Variants in TBL1X observed in about 807,000 individuals in gnomAD.
The protein encoded by TBL1X is transducin beta like 1 X-linked, also known as F-box-like/WD repeat-containing protein TBL1X.
TBL1X carries 10 observed loss-of-function variants against 50.7 expected under a neutral mutation model. The ratio of observed to expected loss-of-function variants is 0.20; its 90% CI spans 0.12 to 0.33. The LOEUF (loss-of-function observed/expected upper bound fraction) is 0.33, where lower values mean the gene tolerates loss of function less well. Among genes scored for constraint, TBL1X ranks in the 10% least tolerant of loss-of-function variants. TBL1X has a pLI of 1.00. For missense variants in TBL1X, 340 were observed against 504.4 expected, an observed-to-expected ratio of 0.67 and a Z score of 3.12; for synonymous variants, 190 against 214.7, an observed-to-expected ratio of 0.88 and a Z score of 1.01.
intron 2 of TBL1X, among the ~76,000 whole-genome samples, chrX:9,623,649 T>C (rs897242901): frequency 8.9e-6 from 1 of 111,893 alleles, no homozygotes; most frequent in Admixed American, 9.4e-5. Context: ...ATTGCACCAC[T>C]GCACTCCAGC....
intron 3 of TBL1X, among the ~76,000 whole-genome samples, chrX:9,647,995 T>C (rs1265871077): frequency 3.6e-5 from 4 of 111,581 alleles, no homozygotes; most frequent in African/African-American, 1.3e-4. Flanking sequence ...CCCCTTTACA[T>C]AGGGGCTATT....
chrX:9,707,762 T>A (rs1251175268), intron 13 of TBL1X, among the ~76,000 whole-genome samples: 4 of 111,782 alleles, frequency 3.6e-5, no homozygotes, highest in African/African-American at 1.3e-4. Context: ...GTGTGCACAC[T>A]CACAACCCTC....
intron 2 of TBL1X, among the ~76,000 whole-genome samples, chrX:9,556,509 G>T (rs1284187185): frequency 9.3e-6 from 1 of 107,988 alleles, no homozygotes; most frequent in Non-Finnish European, 1.9e-5. Flanking sequence ...AAAAAAAAAA[G>T]CCAGGCATGG....
chrX:9,507,849 T>A (rs754564915), intron 2 of TBL1X, among the ~76,000 whole-genome samples: 1 of 112,266 alleles, frequency 8.9e-6, no homozygotes, highest in South Asian at 3.7e-4. Flanking sequence ...GGAAAGGATC[T>A]CCTTATTCAG....
chrX:9,647,445 A>G (rs1025868693), intron 3 of TBL1X, among the ~76,000 whole-genome samples: 1 of 111,607 alleles, frequency 9.0e-6, no homozygotes, highest in African/African-American at 3.3e-5. Context: ...CCTCAAATCA[A>G]CCTAATTGAA....
At chrX:9,566,075 A>G (rs767772163) in intron 2 of TBL1X, among the ~76,000 whole-genome samples, 1 of 112,501 alleles carries the variant, frequency 8.9e-6, no homozygotes, top group South Asian at 3.7e-4. Context: ...AGTATAGGAT[A>G]TACTATCTGT....
chrX:9,636,372 A>G (rs756404856), intron 2 of TBL1X: 4 of 111,276 alleles, frequency 3.6e-5, no homozygotes, highest in Admixed American at 9.6e-5. Flanking sequence ...AGCCTGGGCA[A>G]CATATCAAGA....
At chrX:9,624,875 C>T (rs2082684610) in intron 2 of TBL1X, among the ~76,000 whole-genome samples, 1 of 112,456 alleles carries the variant, frequency 8.9e-6, no homozygotes, top group Non-Finnish European at 1.9e-5. Context: ...AGAATTTTAA[C>T]ATCTGCTAGA....
chrX:9,582,730 T>G (rs1266548251), intron 2 of TBL1X, among the ~76,000 whole-genome samples: 1 of 112,518 alleles, frequency 8.9e-6, no homozygotes, highest in East Asian at 2.8e-4. Flanking sequence ...GTGTGAAGAT[T>G]GGGACAGATG....
At chrX:9,682,676 T>C (rs2083032495) in intron 5 of TBL1X, among the ~76,000 whole-genome samples, 1 of 111,737 alleles carries the variant, frequency 8.9e-6, no homozygotes, top group African/African-American at 3.3e-5. Context: ...AGGGCACTGA[T>C]ACGGAAGCAG....
At chrX:9,580,462 C>T (rs1325113327) in intron 2 of TBL1X, among the ~76,000 whole-genome samples, 3 of 111,832 alleles carry the variant, frequency 2.7e-5, no homozygotes, top group African/African-American at 9.8e-5. Context: ...ATTAGCGTCT[C>T]CAAAGGAGGC....
intron 12 of TBL1X, among the ~76,000 whole-genome samples, chrX:9,700,263 A>T (rs2083161368): frequency 8.9e-6 from 1 of 112,537 alleles, no homozygotes; most frequent in African/African-American, 3.2e-5. Context: ...TGAGGCAGGG[A>T]TGTCTAATGC....
intron 3 of TBL1X, among the ~76,000 whole-genome samples, chrX:9,647,586 T>G (rs2082811750): frequency 8.9e-6 from 1 of 112,053 alleles, no homozygotes; most frequent in Admixed American, 9.4e-5. Context: ...TCCTTTATTT[T>G]AGAACTGGAG....
intron 2 of TBL1X, among the ~76,000 whole-genome samples, chrX:9,519,533 T>A (rs2146964901): frequency 8.9e-6 from 1 of 112,537 alleles, no homozygotes; most frequent in Admixed American, 9.4e-5. Flanking sequence ...AGAAAAACAT[T>A]TCTGAGGAAG....
At chrX:9,608,295 C>T (rs1395387219) in intron 2 of TBL1X, among the ~76,000 whole-genome samples, 1 of 111,767 alleles carries the variant, frequency 8.9e-6, no homozygotes, top group Non-Finnish European at 1.9e-5. Flanking sequence ...TGTTGGGTTG[C>T]GATTAATGTT....
In TBL1X at chrX:9,653,643, G is replaced by C; in HGVS notation, c.57G>C (p.Gly19=). The stretch of plus-strand genomic sequence containing the variant: ...GCTGCCACCGCCCTGCAGGAAGAGG[G>C]GCCATGCAGTCAGTCTTGCACCACT... ...SSCCHRPAGR[G]AMQSVLHHFQ... The change falls in exon 4 of 18, where the codon GGG becomes GGC. Residue 19 remains glycine (G), a synonymous_variant. Transcript: ENST00000645353. 8.5e-7 allele frequency: 1 copy of C among 1,173,672 alleles called. No homozygotes were observed. The highest frequency in any genetic ancestry group is 1.1e-6 in the Non-Finnish European group (1 of 875,964).
rs758196673 is a variant in TBL1X at position 9,692,203 on chromosome X, G to T, written c.840G>T (p.Glu280Asp). ...TCGTGTTGAGGCACTGTATACGAGA[G>T]GGGGGCCATGACGTCCCGAGTAACA... is the stretch of plus-strand genomic sequence containing the variant. ...TQLVLRHCIR[E>D]GGHDVPSNKD... is the part of the protein sequence containing the mutation. Residue 280 changes from glutamate to aspartate, a missense_variant, in exon 9 of 18, where the codon GAG becomes GAT. Around this residue, in one of 6 missense-constraint regions of TBL1X, gnomAD observed 170 missense variants for 272.6 expected, o/e 0.62. Transcript: ENST00000645353. 2 of 1,204,683 alleles carry T rather than the reference G, an allele frequency of 1.7e-6. No individual in the cohort carries two copies. Among genetic ancestry groups the T allele is most frequent in the South Asian group, 3.6e-5 (2 of 55,407 alleles).
chrX:9,579,395 G>A (rs2082428507), intron 2 of TBL1X, among the ~76,000 whole-genome samples: 1 of 112,178 alleles, frequency 8.9e-6, no homozygotes, highest in Non-Finnish European at 1.9e-5. Flanking sequence ...CACTTCTGGA[G>A]ACTTGTCTTC....
chrX:9,602,987 T>C (rs1423420850), intron 2 of TBL1X, among the ~76,000 whole-genome samples: 8 of 112,665 alleles, frequency 7.1e-5, no homozygotes, highest in African/African-American at 2.3e-4. Flanking sequence ...GAATGATACA[T>C]TGGAGAAGTC....
Sources: allele counts gnomAD v4.1 joint callset (sites outside exome capture counted in the v4.1 genomes callset), GRCh38; gene constraint gnomAD v4.1.1; regional missense constraint gnomAD v4.1.1; transcripts MANE v1.5; gene names NCBI Gene and HGNC (gene_info 2026-07-23, HGNC 2026-07-21).